Variants in RPSA2 observed in about 807,000 individuals in gnomAD.
RPSA2 encodes ribosomal protein SA 2.
the RPSA2 span, among the ~76,000 whole-genome samples, chr19:23,829,109 A>G: frequency 6.6e-6 from 1 of 151,540 alleles, no homozygotes; most frequent in Non-Finnish European, 1.5e-5. Flanking sequence ...TATTATTTTG[A>G]CTCTTTCTGC....
At chr19:23,826,387 T>C in the RPSA2 span, among the ~76,000 whole-genome samples, 1,741 of 151,886 alleles carry the variant, frequency 0.011, 37 homozygotes, top group African/African-American at 0.039. Flanking sequence ...AAGATGCAGT[T>C]TCACCATGTT....
chr19:23,801,054 G>A, the RPSA2 span, among the ~76,000 whole-genome samples: 1 of 152,134 alleles, frequency 6.6e-6, no homozygotes, highest in Non-Finnish European at 1.5e-5. Flanking sequence ...GAGTAGACAT[G>A]GAGACATGAG....
the RPSA2 span, among the ~76,000 whole-genome samples, chr19:23,824,468 C>CT: frequency 6.6e-6 from 1 of 151,232 alleles, no homozygotes; most frequent in Non-Finnish European, 1.5e-5. Context: ...CATCCTTGCT[C>CT]TTTGGGAGAA....
the RPSA2 span, among the ~76,000 whole-genome samples, chr19:23,843,564 C>T: frequency 2.0e-5 from 3 of 152,234 alleles, no homozygotes; most frequent in African/African-American, 4.8e-5. Context: ...TCTTCCATTG[C>T]TTTGGGGCAA....
chr19:23,836,001 A>T, the RPSA2 span, among the ~76,000 whole-genome samples: 2 of 151,936 alleles, frequency 1.3e-5, no homozygotes, highest in African/African-American at 4.8e-5. Flanking sequence ...ATATTTTTTT[A>T]ATTTTATTGT....
the RPSA2 span, among the ~76,000 whole-genome samples, chr19:23,829,024 G>A: frequency 6.6e-6 from 1 of 150,946 alleles, no homozygotes; most frequent in African/African-American, 2.4e-5. Flanking sequence ...GTCCTTCTTT[G>A]TTTCTTTGGA....
chr19:23,809,038 G>T, the RPSA2 span: 1 of 192,704 alleles, frequency 5.2e-6, no homozygotes, highest in Non-Finnish European at 1.1e-5. Context: ...CAAATTTACA[G>T]TGACAGCTAA....
chr19:23,759,030 G>A, the RPSA2 span: 2 of 545,298 alleles, frequency 3.7e-6, no homozygotes, highest in South Asian at 5.0e-5. Context: ...GATGTGATCA[G>A]ATGCTCTGCT....
At chr19:23,835,471 A>G in the RPSA2 span, among the ~76,000 whole-genome samples, 3 of 152,178 alleles carry the variant, frequency 2.0e-5, no homozygotes, top group African/African-American at 7.2e-5. Flanking sequence ...GGTGAAAGCA[A>G]ATCTATGCTC....
chr19:23,781,748 C>T, the RPSA2 span, among the ~76,000 whole-genome samples: 1 of 152,330 alleles, frequency 6.6e-6, no homozygotes, highest in Non-Finnish European at 1.5e-5. Context: ...TGTTGATTCT[C>T]ATCCCTTGAC....
chr19:23,866,603 C>T, the RPSA2 span, among the ~76,000 whole-genome samples: 4 of 145,924 alleles, frequency 2.7e-5, no homozygotes, highest in Admixed American at 2.9e-4. Context: ...CTCAAAATTT[C>T]ATCACAATAG....
At chr19:23,844,663 C>T in the RPSA2 span, among the ~76,000 whole-genome samples, 3 of 150,894 alleles carry the variant, frequency 2.0e-5, no homozygotes, top group Non-Finnish European at 4.4e-5. Flanking sequence ...ATTTGCTGTG[C>T]AAAAACTTTT....
the RPSA2 span, among the ~76,000 whole-genome samples, chr19:23,859,868 A>C: frequency 6.6e-6 from 1 of 152,168 alleles, no homozygotes; most frequent in South Asian, 2.1e-4. Context: ...TAATTAGTAA[A>C]ACCCTGTTAG....
the RPSA2 span, among the ~76,000 whole-genome samples, chr19:23,799,945 T>TAAA: frequency 6.6e-6 from 1 of 152,232 alleles, no homozygotes; most frequent in Admixed American, 6.5e-5. Flanking sequence ...ACCATCTTTA[T>TAAA]GTCTTTTCGA....
At chr19:23,805,014 T>C in the RPSA2 span, among the ~76,000 whole-genome samples, 7 of 12,328 alleles carry the variant, frequency 5.7e-4, no homozygotes, top group African/African-American at 2.4e-3. Flanking sequence ...CCTGTTCTGT[T>C]TGGGTTTGTT....
the RPSA2 span, among the ~76,000 whole-genome samples, chr19:23,850,222 G>T: frequency 6.7e-6 from 1 of 149,972 alleles, no homozygotes; most frequent in African/African-American, 2.5e-5. Context: ...GGAGGAAAAG[G>T]CACATAAGCC....
At chr19:23,835,334 A>C in the RPSA2 span, among the ~76,000 whole-genome samples, 1 of 150,132 alleles carries the variant, frequency 6.7e-6, no homozygotes, top group Non-Finnish European at 1.5e-5. Context: ...GTCTAAATAA[A>C]TTATGGAGTA....
the RPSA2 span, among the ~76,000 whole-genome samples, chr19:23,835,507 G>A: frequency 5.3e-5 from 8 of 152,166 alleles, no homozygotes; most frequent in Admixed American, 1.3e-4. Flanking sequence ...ATTTATTACC[G>A]TGCAATCTTT....
chr19:23,766,143 C>CT, the RPSA2 span, among the ~76,000 whole-genome samples: 67 of 29,420 alleles, frequency 2.3e-3, 5 homozygotes, highest in African/African-American at 6.5e-3. Context: ...ATTTCATTTC[C>CT]TTTTTTTTTT....
Sources: allele counts gnomAD v4.1 joint callset (sites outside exome capture counted in the v4.1 genomes callset), GRCh38; gene constraint gnomAD v4.1.1; transcripts MANE v1.5; gene names NCBI Gene and HGNC (gene_info 2026-07-23, HGNC 2026-07-21).